SLC8A1: variants seen among roughly 807,000 people sequenced by gnomAD.
SLC8A1 encodes solute carrier family 8 member A1.
SLC8A1 carries 18 observed loss-of-function variants against 68.3 expected under a neutral mutation model. The observed-to-expected ratio is 0.26, with a 90% confidence interval of 0.18 to 0.39. The LOEUF is 0.39. SLC8A1 is among the 10% of genes least tolerant of loss of function. SLC8A1 has a pLI of 1.00. For synonymous variants in SLC8A1, 475 were observed against 415.5 expected, an observed-to-expected ratio of 1.14 and a Z score of -1.74; for missense variants, 985 against 1,156.7, an observed-to-expected ratio of 0.85 and a Z score of 2.15.
intron 2 of SLC8A1, among the ~76,000 whole-genome samples, chr2:40,405,703 G>A (rs1380611823): frequency 6.6e-6 from 1 of 152,164 alleles, no homozygotes; most frequent in South Asian, 2.1e-4. Flanking sequence ...AGTCTTTAAT[G>A]ATTTTAATGA....
chr2:40,170,259 A>C, intron 4 of SLC8A1, 22 bp downstream of exon 7: 2 of 1,608,878 alleles, frequency 1.2e-6, no homozygotes, highest in South Asian at 2.2e-5. Flanking sequence ...GTGGTTTTCA[A>C]GGATCATGAT....
intron 2 of SLC8A1, chr2:40,251,119 G>A (rs1558955373): frequency 6.6e-6 from 1 of 151,892 alleles, no homozygotes; most frequent in Non-Finnish European, 1.5e-5. Context: ...TTCTGCAGGG[G>A]ATATTGCGAA....
At chr2:40,400,486 C>A (rs1325858170) in intron 2 of SLC8A1, among the ~76,000 whole-genome samples, 3 of 152,166 alleles carry the variant, frequency 2.0e-5, no homozygotes, top group Non-Finnish European at 4.4e-5. Flanking sequence ...TCAAATCAAA[C>A]CATGCATTCA....
chr2:40,118,677 T>C (rs2036102603), intron 7 of SLC8A1, among the ~76,000 whole-genome samples: 1 of 128,944 alleles, frequency 7.8e-6, no homozygotes, highest in African/African-American at 2.9e-5. Context: ...GGAACAAAAG[T>C]CTGAGGCAGG....
intron 2 of SLC8A1, among the ~76,000 whole-genome samples, chr2:40,360,783 C>T (rs1674372309): frequency 6.6e-6 from 1 of 152,128 alleles, no homozygotes; most frequent in African/African-American, 2.4e-5. Flanking sequence ...CTAGTTCTTA[C>T]AAAGATCTCT....
intron 1 of SLC8A1, among the ~76,000 whole-genome samples, chr2:40,503,023 G>A (rs189545326): frequency 6.6e-6 from 1 of 152,036 alleles, no homozygotes; most frequent in African/African-American, 2.4e-5. Context: ...GCCTTCTGAA[G>A]TACTGAGAAT....
chr2:40,346,047 T>TAAAAAAAAAAAAAAAAAA (rs774555210), intron 2 of SLC8A1, among the ~76,000 whole-genome samples: 11 of 41,698 alleles, frequency 2.6e-4, no homozygotes, highest in Non-Finnish European at 4.5e-4. Context: ...ACATTAACAG[T>TAAAAAAAAAAAAAAAAAA]AAAAAAAAAA....
chr2:40,152,641 C>T (rs545577740), intron 6 of SLC8A1, among the ~76,000 whole-genome samples: 13 of 151,204 alleles, frequency 8.6e-5, no homozygotes, highest in Non-Finnish European at 1.5e-4. Flanking sequence ...GTCTCAAACT[C>T]CTGGCCTCAA....
intron 2 of SLC8A1, among the ~76,000 whole-genome samples, chr2:40,364,737 G>A (rs1460113160): frequency 6.6e-6 from 1 of 152,012 alleles, no homozygotes; most frequent in Non-Finnish European, 1.5e-5. Context: ...GCTCATTAAA[G>A]AGAAGCCTGC....
In SLC8A1 at chr2:40,409,084, G is replaced by A. The variant is rs190642651; in HGVS notation, c.1808+19389C>T. Among the ~76,000 whole-genome samples, 456 of 152,194 alleles carry A rather than the reference G, an allele frequency of 3.0e-3. 1 individual carries two copies. The highest frequency in any genetic ancestry group is 5.4e-3 in the Non-Finnish European group (365 of 67,996). On this transcript the variant is annotated intron_variant, in intron 2 of 7. Coordinates refer to ENST00000406785, the Ensembl canonical transcript of SLC8A1. ...TACCAATTCAAGACAGACCTGTAAA[G>A]TGCTGCTTTTTCTGTAGTCATTTAC... is the stretch of plus-strand genomic sequence containing the variant.
At chr2:40,361,477 T>G (rs1018804608) in intron 2 of SLC8A1, among the ~76,000 whole-genome samples, 4 of 144,562 alleles carry the variant, frequency 2.8e-5, no homozygotes, top group African/African-American at 7.6e-5. Flanking sequence ...TTTTTTTTTT[T>G]GTTTTGGAAT....
At chr2:40,185,101 G>C (rs1270145489) in intron 2 of SLC8A1, among the ~76,000 whole-genome samples, 8 of 152,206 alleles carry the variant, frequency 5.3e-5, no homozygotes, top group African/African-American at 1.9e-4. Context: ...AAAAAAGACA[G>C]ACAATAACAA....
At chr2:40,338,841 G>T (rs946553118) in intron 2 of SLC8A1, among the ~76,000 whole-genome samples, 31 of 152,178 alleles carry the variant, frequency 2.0e-4, no homozygotes, top group African/African-American at 6.8e-4. Context: ...ACACATAGCT[G>T]TGACTTGAAA....
At position 40,364,941 on chromosome 2, in the gene SLC8A1, G is replaced by C. The variant is rs916600675; in HGVS notation, c.1808+63532C>G. Among the ~76,000 whole-genome samples the C allele has an allele frequency of 3.3e-5, 5 of 151,966 alleles. No individual in the cohort carries two copies. In the South Asian group the frequency reaches 1.0e-3, roughly 32 times the overall value. On this transcript the variant is annotated intron_variant, in intron 2 of 7. Coordinates refer to ENST00000406785, the Ensembl canonical transcript of SLC8A1. ...AGGTAACAGATGGAAGACAAAAAGA[G>C]GGATTTTAAGATTTGTTGCTGGGGC...
chr2:40,174,785 C>G (rs755784123), intron 4 of SLC8A1, 40 bp downstream of exon 5: 1 of 1,600,674 alleles, frequency 6.2e-7, no homozygotes, highest in Non-Finnish European at 8.5e-7. Context: ...TGAGAACAGA[C>G]AGTAAAAGTT....
chr2:40,322,781 T>G (rs1427870968), intron 2 of SLC8A1, among the ~76,000 whole-genome samples: 1 of 151,634 alleles, frequency 6.6e-6, no homozygotes, highest in Non-Finnish European at 1.5e-5. Flanking sequence ...ATGATTATAA[T>G]AAATGCCACT....
chr2:40,437,373 C>G (rs1050042875), intron 1 of SLC8A1, among the ~76,000 whole-genome samples: 9 of 152,090 alleles, frequency 5.9e-5, no homozygotes. Context: ...TGCCTTCCCA[C>G]TCCCCAAGTA....
chr2:40,396,814 T>A, intron 2 of SLC8A1, among the ~76,000 whole-genome samples: 1 of 134,000 alleles, frequency 7.5e-6, no homozygotes, highest in Admixed American at 7.5e-5. Context: ...CAAGAGAAAC[T>A]GTAGTTGCTG....
At chr2:40,174,361 A>C (rs544007910) in intron 4 of SLC8A1, among the ~76,000 whole-genome samples, 246 of 152,272 alleles carry the variant, frequency 1.6e-3, no homozygotes, top group African/African-American at 5.5e-3. Context: ...CCACGGATCC[A>C]TCTTGGATGT....
Sources: gnomAD v4.1 joint callset for allele counts (sites outside exome capture counted in the v4.1 genomes callset) on GRCh38, gnomAD v4.1.1 for gene constraint, MANE v1.5 for transcripts, NCBI Gene and HGNC (gene_info 2026-07-23, HGNC 2026-07-21) for gene names.